HTR4: variants seen among roughly 807,000 people sequenced by gnomAD.
The protein encoded by HTR4 is 5-hydroxytryptamine (serotonin) receptor 4, G protein-coupled.
A neutral mutation model predicts 36.8 loss-of-function variants in HTR4; 16 were observed. The ratio of observed to expected loss-of-function variants is 0.43; its 90% CI spans 0.29 to 0.66. The LOEUF (loss-of-function observed/expected upper bound fraction) is 0.66. Ranked by LOEUF, HTR4 falls within the 30% of genes least tolerant of loss-of-function variation. The pLI is 0.13. For synonymous variants in HTR4, 189 were observed against 185.1 expected (o/e 1.02, Z -0.17); for missense variants, 438 against 490.9 (o/e 0.89, Z 1.02).
chr5:148,577,777 T>G (rs999732060), intron 2 of HTR4, among the ~76,000 whole-genome samples: 1 of 151,950 alleles, frequency 6.6e-6, no homozygotes, highest in African/African-American at 2.4e-5. Flanking sequence ...TGAGAACTTA[T>G]GAACACAAAG....
chr5:148,457,638 T>A (rs1323229509), intron 5 of HTR4, among the ~76,000 whole-genome samples: 4 of 147,902 alleles, frequency 2.7e-5, no homozygotes, highest in Non-Finnish European at 5.9e-5. Context: ...TATATATTAA[T>A]ATATATTTAA....
intron 5 of HTR4, among the ~76,000 whole-genome samples, chr5:148,463,808 G>A (rs1213341143): frequency 6.6e-6 from 1 of 151,598 alleles, no homozygotes; most frequent in Non-Finnish European, 1.5e-5. Flanking sequence ...TAAAGTCAGA[G>A]GACTGATACT....
chr5:148,454,692 C>T (rs1011909750), intron 5 of HTR4, among the ~76,000 whole-genome samples: 18 of 152,188 alleles, frequency 1.2e-4, no homozygotes, highest in Admixed American at 1.1e-3. Flanking sequence ...TCCCTATCAA[C>T]AGACTCCTTT....
At chr5:148,596,764 T>C (rs1761793916) in intron 2 of HTR4, among the ~76,000 whole-genome samples, 1 of 152,124 alleles carries the variant, frequency 6.6e-6, no homozygotes. Flanking sequence ...CAAACTCTGA[T>C]TTTTCCTGCC....
intron 2 of HTR4, among the ~76,000 whole-genome samples, chr5:148,572,250 A>T (rs1043473321): frequency 5.3e-5 from 8 of 152,090 alleles, no homozygotes; most frequent in Non-Finnish European, 1.2e-4. Context: ...TATGCCAGAA[A>T]GAGTCATATC....
intron 6 of HTR4, among the ~76,000 whole-genome samples, chr5:148,485,867 G>A (rs1414349526): frequency 6.6e-6 from 1 of 152,198 alleles, no homozygotes; most frequent in Non-Finnish European, 1.5e-5. Context: ...ATTGGAGAGA[G>A]GAAGAGGTTC....
At chr5:148,624,611 C>T (rs1476110876) in intron 2 of HTR4, among the ~76,000 whole-genome samples, 1 of 152,200 alleles carries the variant, frequency 6.6e-6, no homozygotes, top group African/African-American at 2.4e-5. Flanking sequence ...AACAGCACCA[C>T]AGGAGAAGCC....
At chr5:148,590,317 AG>A in intron 2 of HTR4, among the ~76,000 whole-genome samples, 1 of 16,462 alleles carries the variant, frequency 6.1e-5, no homozygotes, top group African/African-American at 2.2e-4. Flanking sequence ...TTTTTTTTTG[AG>A]ACAGAGTTTT....
intron 5 of HTR4, among the ~76,000 whole-genome samples, chr5:148,520,318 G>A (rs2195934): frequency 0.17 from 26,136 of 152,062 alleles, 3,875 homozygotes; most frequent in African/African-American, 0.39. Context: ...ATTTTAAACC[G>A]TGATTAAAAT....
intron 2 of HTR4, among the ~76,000 whole-genome samples, chr5:148,561,639 T>TAC (rs1760219492): frequency 6.6e-6 from 1 of 151,670 alleles, no homozygotes; most frequent in Non-Finnish European, 1.5e-5. Context: ...TTTTTTTTTT[T>TAC]ACACACACTT....
In HTR4 at chr5:148,509,436, A is replaced by C. The variant is rs201506408; in HGVS notation, c.1076+20T>G. On this transcript the variant is annotated intron_variant, in intron 6 of 6. Transcript: ENST00000377888. ...GTAATACAAATCAACCAAATCAATG[A>C]ACTCCCTTAGTATACTCACCTTAGT... 8 of 1,541,116 alleles carry C rather than the reference A, an allele frequency of 5.2e-6. No individual in the cohort carries two copies. The highest frequency in any genetic ancestry group is 7.0e-6 in the Non-Finnish European group (8 of 1,135,396).
intron 6 of HTR4, among the ~76,000 whole-genome samples, chr5:148,499,810 G>GCGAATTGT (rs1339818720): frequency 1.2e-4 from 19 of 152,288 alleles, no homozygotes; most frequent in Admixed American, 1.2e-3. Flanking sequence ...GCAGTAACAA[G>GCGAATTGT]CGAATTGTCA....
intron 5 of HTR4, among the ~76,000 whole-genome samples, chr5:148,468,629 A>T (rs1755491114): frequency 6.6e-6 from 1 of 152,180 alleles, no homozygotes; most frequent in Non-Finnish European, 1.5e-5. Flanking sequence ...TTGGAAGCAG[A>T]TGTCATTTGC....
chr5:148,566,824 A>G (rs1368488247), intron 2 of HTR4, among the ~76,000 whole-genome samples: 1 of 152,094 alleles, frequency 6.6e-6, no homozygotes, highest in Non-Finnish European at 1.5e-5. Flanking sequence ...TCCATATATT[A>G]ATATTATCTA....
chr5:148,565,101 C>T (rs1267846971), intron 2 of HTR4, among the ~76,000 whole-genome samples: 4 of 135,824 alleles, frequency 2.9e-5, no homozygotes, highest in Admixed American at 7.4e-5. Context: ...CAGAGTGAGA[C>T]TCCATCTAAA....
At chr5:148,631,542 T>G (rs1753320299) in intron 2 of HTR4, among the ~76,000 whole-genome samples, 2 of 152,284 alleles carry the variant, frequency 1.3e-5, no homozygotes, top group African/African-American at 4.8e-5. Flanking sequence ...TATAAATTAT[T>G]TCAAGGCTTT....
chr5:148,463,165 C>CTTTTTTTTTTTTTTTTTTTTTTTTTT (rs71001490), intron 5 of HTR4, among the ~76,000 whole-genome samples: 34 of 64,144 alleles, frequency 5.3e-4, no homozygotes, highest in Admixed American at 7.9e-4. Flanking sequence ...CTTTTTTTTT[C>CTTTTTTTTTTTTTTTTTTTTTTTTTT]TTTTTTTTTT....
chr5:148,526,736 G>A (rs1758294443), intron 4 of HTR4, among the ~76,000 whole-genome samples: 1 of 152,062 alleles, frequency 6.6e-6, no homozygotes, highest in Non-Finnish European at 1.5e-5. Flanking sequence ...AGCATGGATG[G>A]AACTGGAGGA....
intron 1 of HTR4, among the ~76,000 whole-genome samples, chr5:148,638,172 C>T (rs1425356802): frequency 4.6e-5 from 7 of 152,154 alleles, no homozygotes; most frequent in Non-Finnish European, 2.9e-5. Context: ...AGGACCTCGA[C>T]TCTCTGTGTT....
Sources: gnomAD v4.1 joint callset for allele counts (sites outside exome capture counted in the v4.1 genomes callset) on GRCh38, gnomAD v4.1.1 for gene constraint, MANE v1.5 for transcripts, NCBI Gene and HGNC (gene_info 2026-07-23, HGNC 2026-07-21) for gene names.